EXOC6B: variants seen among roughly 807,000 people sequenced by gnomAD.
The protein encoded by EXOC6B is exocyst complex component 6B.
In EXOC6B, 54 loss-of-function variants were observed where a neutral mutation model predicts 113.5. The ratio of observed to expected loss-of-function variants is 0.48; its 90% CI spans 0.38 to 0.60. The LOEUF is 0.60. Among genes scored for constraint, EXOC6B ranks in the 20% least tolerant of loss-of-function variants. The pLI is 0.00. For synonymous variants in EXOC6B, 357 were observed against 339.0 expected, an observed-to-expected ratio of 1.05 and a Z score of -0.58; for missense variants, 797 against 977.5, an observed-to-expected ratio of 0.82 and a Z score of 2.46.
intron 1 of EXOC6B, among the ~76,000 whole-genome samples, chr2:72,771,118 T>C (rs575389961): frequency 9.9e-5 from 15 of 152,172 alleles, no homozygotes; most frequent in Non-Finnish European, 2.2e-4. Flanking sequence ...TACAAAGTTA[T>C]TACATAACCA....
At chr2:72,715,010 T>C (rs192074011) in intron 6 of EXOC6B, among the ~76,000 whole-genome samples, 97 of 152,260 alleles carry the variant, frequency 6.4e-4, no homozygotes, top group African/African-American at 2.2e-3. Context: ...CTCATGCCTG[T>C]AATCCTAGCA....
chr2:72,374,965 G>A (rs1199789986), intron 19 of EXOC6B, among the ~76,000 whole-genome samples: 1 of 151,608 alleles, frequency 6.6e-6, no homozygotes, highest in African/African-American at 2.4e-5. Context: ...AAAAGAGAAA[G>A]ATAGAAAAGA....
chr2:72,640,689 T>C (rs1046640759), intron 6 of EXOC6B, among the ~76,000 whole-genome samples: 1 of 152,058 alleles, frequency 6.6e-6, no homozygotes, highest in Admixed American at 6.6e-5. Context: ...CCAGAAGAGA[T>C]TCTTCTTAAA....
chr2:72,623,114 T>C (rs1573504943), intron 6 of EXOC6B, among the ~76,000 whole-genome samples: 1 of 152,192 alleles, frequency 6.6e-6, no homozygotes, highest in African/African-American at 2.4e-5. Flanking sequence ...CTATCACTTA[T>C]GTATAGCTTT....
chr2:72,697,361 G>A (rs998154057), intron 6 of EXOC6B, among the ~76,000 whole-genome samples: 23 of 151,970 alleles, frequency 1.5e-4, no homozygotes, highest in Non-Finnish European at 2.9e-5. Flanking sequence ...AAGCTGCCAT[G>A]CACTAGGTCA....
chr2:72,809,265 C>A (rs921592036), intron 1 of EXOC6B, among the ~76,000 whole-genome samples: 1 of 151,376 alleles, frequency 6.6e-6, no homozygotes, highest in African/African-American at 2.4e-5. Context: ...TTTAAATACA[C>A]CAATTAAAAG....
At chr2:72,722,239 G>C (rs932654310) in intron 5 of EXOC6B, among the ~76,000 whole-genome samples, 1 of 152,006 alleles carries the variant, frequency 6.6e-6, no homozygotes, top group Non-Finnish European at 1.5e-5. Flanking sequence ...AATATTACAA[G>C]ATAATTTTCT....
intron 17 of EXOC6B, among the ~76,000 whole-genome samples, chr2:72,479,985 T>G (rs1417041848): frequency 6.6e-6 from 1 of 152,098 alleles, no homozygotes; most frequent in Non-Finnish European, 1.5e-5. Context: ...GGTGGATCGC[T>G]TGAACCCAGG....
intron 2 of EXOC6B, among the ~76,000 whole-genome samples, chr2:72,734,257 T>A (rs1355039206): frequency 6.6e-6 from 1 of 152,090 alleles, no homozygotes. Flanking sequence ...CAAAATGAAA[T>A]CTGAACTCCT....
chr2:72,643,658 A>C (rs975335966), intron 6 of EXOC6B, among the ~76,000 whole-genome samples: 6 of 147,284 alleles, frequency 4.1e-5, no homozygotes, highest in Non-Finnish European at 9.0e-5. Flanking sequence ...GATATACCTA[A>C]TGCTAGATGA....
chr2:72,767,832 A>AAAAAAAAAAAAAAAAAAAAAAAAAAAAAC (rs1269469333), intron 1 of EXOC6B, among the ~76,000 whole-genome samples: 1 of 141,064 alleles, frequency 7.1e-6, no homozygotes, highest in Non-Finnish European at 1.5e-5. Context: ...AAAAAAAAAA[A>AAAAAAAAAAAAAAAAAAAAAAAAAAAAAC]AGACCAAGTC....
intron 3 of EXOC6B, 59 bp downstream of exon 3, chr2:72,733,012 C>G: frequency 8.8e-7 from 1 of 1,142,426 alleles, no homozygotes. Context: ...ATAACATAGT[C>G]ATTAAAAGAG....
intron 18 of EXOC6B, among the ~76,000 whole-genome samples, chr2:72,402,228 T>C (rs1693389017): frequency 6.6e-6 from 1 of 152,274 alleles, no homozygotes; most frequent in East Asian, 1.9e-4. Context: ...TCAGTTTAGG[T>C]AACGTGCATG....
In EXOC6B at chr2:72,678,508, G is replaced by T. The variant is rs549565904; in HGVS notation, c.669+39595C>A. On this transcript the variant is annotated intron_variant, in intron 6 of 21. Coordinates refer to ENST00000272427, the MANE Select transcript of EXOC6B (RefSeq NM_015189.3). ...GATCACTTGAGGCCAGGAGTTGGAG[G>T]CCTCTTGGCCAACATGGCGAAACCC... Among the ~76,000 whole-genome samples the T allele has an allele frequency of 5.3e-5, 8 of 152,092 alleles. No homozygotes were observed. In the South Asian group the frequency reaches 1.5e-3, roughly 28 times the overall value.
chr2:72,469,991 A>AC, intron 17 of EXOC6B, among the ~76,000 whole-genome samples: 1 of 152,106 alleles, frequency 6.6e-6, no homozygotes, highest in South Asian at 2.1e-4. Context: ...CGCATTCCTA[A>AC]CCTTACTTCA....
chr2:72,409,401 TA>T (rs1163349328), intron 18 of EXOC6B, among the ~76,000 whole-genome samples: 1 of 152,150 alleles, frequency 6.6e-6, no homozygotes, highest in Non-Finnish European at 1.5e-5. Context: ...CATGCTGCTA[TA>T]AAGACACATG....
At chr2:72,179,547 A>G in intron 21 of EXOC6B, 86 bp from the exon 22 acceptor site, 2 of 1,475,148 alleles carry the variant, frequency 1.4e-6, no homozygotes. Context: ...ATGGCAATGC[A>G]TCTTAACCAC....
At chr2:72,730,577 G>GACACACAC (rs1288008767) in intron 5 of EXOC6B, among the ~76,000 whole-genome samples, 8 of 69,632 alleles carry the variant, frequency 1.1e-4, no homozygotes, top group African/African-American at 4.0e-4. Flanking sequence ...TAAACAGACA[G>GACACACAC]AGACACACAC....
intron 18 of EXOC6B, chr2:72,461,883 A>G (rs1697704671): frequency 6.6e-6 from 1 of 152,082 alleles, no homozygotes; most frequent in Non-Finnish European, 1.5e-5. Flanking sequence ...TGAGTAGTTT[A>G]TAGTCAAAAA....
Sources: allele counts gnomAD v4.1 joint callset (sites outside exome capture counted in the v4.1 genomes callset), GRCh38; gene constraint gnomAD v4.1.1; transcripts MANE v1.5; gene names NCBI Gene and HGNC (gene_info 2026-07-23, HGNC 2026-07-21).